The following UBE4B variants were observed in gnomAD, a reference collection of about 807,000 sequenced individuals.
UBE4B encodes the protein ubiquitin conjugation factor E4 B.
A neutral mutation model predicts 148.1 loss-of-function variants in UBE4B; 27 were observed. That is an observed-to-expected ratio of 0.18 (90% CI 0.13 to 0.25). The LOEUF (loss-of-function observed/expected upper bound fraction) is 0.25, where lower values mean the gene tolerates loss of function less well. UBE4B is among the 10% of genes least tolerant of loss of function. The pLI, the probability that UBE4B is intolerant of heterozygous loss-of-function variation, is 1.00. For missense variants in UBE4B, 1,170 were observed against 1,662.4 expected (o/e 0.70, Z 5.15); for synonymous variants, 596 against 619.3 (o/e 0.96, Z 0.56).
At chr1:10,135,268 C>A in intron 16 of UBE4B, 82 bp downstream of exon 16, 1 of 1,336,004 alleles carries the variant, frequency 7.5e-7, no homozygotes, top group Non-Finnish European at 1.0e-6. Flanking sequence ...ATTGTTACCA[C>A]CTCACCATAA....
chr1:10,082,586 A>T (rs1208901488), intron 2 of UBE4B, among the ~76,000 whole-genome samples: 1 of 148,008 alleles, frequency 6.8e-6, no homozygotes, highest in Non-Finnish European at 1.5e-5. Context: ...CATAAGTACC[A>T]CTGGGGGTGT....
At chr1:10,124,313 C>T (rs1019367756) in intron 10 of UBE4B, among the ~76,000 whole-genome samples, 52 of 152,280 alleles carry the variant, frequency 3.4e-4, no homozygotes, top group African/African-American at 1.2e-3. Flanking sequence ...AGGAGCGTAC[C>T]ACCATGCCCA....
intron 3 of UBE4B, among the ~76,000 whole-genome samples, chr1:10,099,999 T>G (rs1031732086): frequency 1.4e-4 from 21 of 152,238 alleles, no homozygotes; most frequent in Non-Finnish European, 2.5e-4. Context: ...TTTTATTTTT[T>G]ATTTTTTTGA....
At chr1:10,073,295 T>G (rs1196599458) in intron 2 of UBE4B, among the ~76,000 whole-genome samples, 3 of 152,218 alleles carry the variant, frequency 2.0e-5, no homozygotes, top group Non-Finnish European at 4.4e-5. Context: ...TCTCTCACTT[T>G]GTCTTACTTG....
At chr1:10,056,549 A>T (rs1644172603) in intron 1 of UBE4B, among the ~76,000 whole-genome samples, 1 of 152,194 alleles carries the variant, frequency 6.6e-6, no homozygotes, top group East Asian at 1.9e-4. Context: ...GATAAACTAT[A>T]AGCTGATAAA....
rs1644745096 is a variant in UBE4B, at chr1:10,085,113, C to CA, written c.212-10348_212-10347insA. Among the ~76,000 whole-genome samples, 4 of 152,122 alleles carry CA rather than the reference C, an allele frequency of 2.6e-5. No individual in the cohort carries two copies. The South Asian group carries it at 8.3e-4, about 31-fold the overall frequency. ...GTCACCTTTAACACCTAGAGTTGAA[C>CA]GTTCATACCTGGAGAGCCTTAACAT... On this transcript the variant is annotated intron_variant, in intron 2 of 27. Transcript: ENST00000343090.
At chr1:10,126,670 A>G (rs1645503972) in intron 10 of UBE4B, 124 bp from the exon 11 acceptor site, 2 of 795,744 alleles carry the variant, frequency 2.5e-6, no homozygotes, top group Non-Finnish European at 4.0e-6. Context: ...TTTTATATGC[A>G]AAAAAGCTTT....
At chr1:10,102,122 AAAT>A (rs1557553088) in intron 4 of UBE4B, among the ~76,000 whole-genome samples, 1 of 152,244 alleles carries the variant, frequency 6.6e-6, no homozygotes, top group African/African-American at 2.4e-5. Flanking sequence ...ACAAAGGAAA[AAAT>A]AAGAAGTTGC....
chr1:10,106,547 C>T lies in UBE4B; in HGVS notation c.1160C>T (p.Thr387Met), dbSNP rs780456251. 39 of 1,591,360 alleles carry T rather than the reference C, an allele frequency of 2.5e-5. No individual in the cohort carries two copies. In the South Asian group the frequency reaches 2.6e-4, roughly 11 times the overall value. Reference protein sequence around the residue: ...PPLPPASPSATSRRPSSLRIS... With the variant: ...PPLPPASPSAMSRRPSSLRIS... Reference sequence around the variant, plus strand: ...CTACCACCCGCCTCACCCAGTGCCACGAGCAGACGCCCCTCCTCCCTGAGG... The same window carrying T: ...CTACCACCCGCCTCACCCAGTGCCATGAGCAGACGCCCCTCCTCCCTGAGG... Residue 387 changes from threonine to methionine, a missense_variant, in exon 7 of 28, where the codon ACG becomes ATG. This residue lies in a region of UBE4B where 214 missense variants were observed against 209.1 expected (regional missense o/e 1.02). Transcript: ENST00000343090. This position sits in a 1 kb window ranked among gnomAD's most constrained non-coding sequence, Gnocchi z 4.2.
At chr1:10,075,655 A>G (rs1308742232) in intron 2 of UBE4B, among the ~76,000 whole-genome samples, 1 of 152,220 alleles carries the variant, frequency 6.6e-6, no homozygotes, top group African/African-American at 2.4e-5. Flanking sequence ...AAACAGTTGG[A>G]TATTATTAGC....
intron 17 of UBE4B, among the ~76,000 whole-genome samples, chr1:10,144,278 T>G (rs1182484651): frequency 1.3e-5 from 2 of 152,172 alleles, no homozygotes; most frequent in Non-Finnish European, 2.9e-5. Context: ...TTTGGGTAAT[T>G]GAATAGGCAA....
At chr1:10,111,869 A>G (rs1318959362) in intron 7 of UBE4B, among the ~76,000 whole-genome samples, 1 of 152,122 alleles carries the variant, frequency 6.6e-6, no homozygotes, top group East Asian at 1.9e-4. Flanking sequence ...AGGCAGGAGA[A>G]TCACTTGAAT....
intron 8 of UBE4B, 54 bp from the exon 9 acceptor site, chr1:10,119,459 A>C: frequency 6.4e-7 from 1 of 1,565,436 alleles, no homozygotes; most frequent in Non-Finnish European, 8.8e-7. Context: ...TTTTAACAGC[A>C]TGGAATTGTA....
intron 2 of UBE4B, among the ~76,000 whole-genome samples, chr1:10,079,577 G>T (rs1230220925): frequency 6.6e-6 from 1 of 152,174 alleles, no homozygotes; most frequent in Non-Finnish European, 1.5e-5. Flanking sequence ...CTTTATTAAT[G>T]ATTTAAATGA....
At chr1:10,164,112 C>T (rs1040037477) in intron 23 of UBE4B, among the ~76,000 whole-genome samples, 7 of 151,852 alleles carry the variant, frequency 4.6e-5, no homozygotes, top group East Asian at 2.0e-4. Flanking sequence ...AGGCCGAGGC[C>T]GGCAGATCAC....
chr1:10,165,371 C>G lies in UBE4B; in HGVS notation c.3199-2765C>G, dbSNP rs17034549. 9.0e-3 allele frequency among the ~76,000 whole-genome samples: 1,365 copies of G among 152,248 alleles called. 11 individuals carry two copies. The highest frequency in any genetic ancestry group is 0.02 in the African/African-American group (851 of 41,554). Reference sequence around the variant, plus strand: ...TGACCTCTTCTCAGCACCTCCAGACCGTTGGCATCTCTTACCTGGGTTATT... The same window carrying G: ...TGACCTCTTCTCAGCACCTCCAGACGGTTGGCATCTCTTACCTGGGTTATT... On this transcript the variant is annotated intron_variant, in intron 23 of 27. Transcript: ENST00000343090.
At chr1:10,146,818 A>C in intron 18 of UBE4B, 145 bp from the exon 19 acceptor site, 1 of 995,522 alleles carries the variant, frequency 1.0e-6, no homozygotes, top group Non-Finnish European at 1.5e-6. Context: ...AGACACAACC[A>C]GCATCTTATA....
chr1:10,073,275 G>T (rs958470912), intron 2 of UBE4B, among the ~76,000 whole-genome samples: 8 of 152,122 alleles, frequency 5.3e-5, no homozygotes, highest in Non-Finnish European at 1.2e-4. Context: ...AATCTGTCCT[G>T]GAGAGAACCT....
chr1:10,132,528 A>C (rs1247899136), intron 15 of UBE4B, 46 bp downstream of exon 15: 1 of 1,558,072 alleles, frequency 6.4e-7, no homozygotes, highest in Non-Finnish European at 8.8e-7. Context: ...AAATTCATTC[A>C]TCTGACCCAG....
Sources: allele counts gnomAD v4.1 joint callset (sites outside exome capture counted in the v4.1 genomes callset), GRCh38; gene constraint gnomAD v4.1.1; regional missense constraint gnomAD v4.1.1; non-coding constraint Gnocchi (gnomAD v3.1); transcripts MANE v1.5; gene names NCBI Gene and HGNC (gene_info 2026-07-23, HGNC 2026-07-21).